USO1: variants seen among roughly 807,000 people sequenced by gnomAD.
USO1 encodes the protein USO1 vesicle transport factor.
A neutral mutation model predicts 124.5 loss-of-function variants in USO1; 57 were observed. That is an observed-to-expected ratio of 0.46 (90% CI 0.37 to 0.57). USO1 has a LOEUF of 0.57. Ranked by LOEUF, USO1 falls within the 20% of genes least tolerant of loss-of-function variation. The probability of loss-of-function intolerance (pLI) is 0.00; values close to 1 mark genes in which losing one functional copy is unlikely to be tolerated. For missense variants in USO1, 900 were observed against 1,040.6 expected, an observed-to-expected ratio of 0.86 and a Z score of 1.86; for synonymous variants, 369 against 362.8, an observed-to-expected ratio of 1.02 and a Z score of -0.19.
chr4:75,796,438 C>T (rs561459767), intron 13 of USO1, among the ~76,000 whole-genome samples: 88 of 150,916 alleles, frequency 5.8e-4, no homozygotes, highest in African/African-American at 2.0e-3. Context: ...TGGGTTCAAG[C>T]GATTCTCCTG....
intron 19 of USO1, among the ~76,000 whole-genome samples, chr4:75,805,728 ATTTTACAGGATGAGCT>A (rs1338398472): frequency 4.6e-5 from 7 of 150,768 alleles, no homozygotes; most frequent in Admixed American, 1.3e-4. Context: ...AAAAAAAAAG[ATTTTACAGGATGAGCT>A]TTAGAGTCAA....
At chr4:75,758,759 A>G (rs995935181) in intron 4 of USO1, among the ~76,000 whole-genome samples, 6 of 152,144 alleles carry the variant, frequency 3.9e-5, no homozygotes, top group Non-Finnish European at 7.3e-5. Context: ...CATGATATCT[A>G]TCCTATAGCT....
In USO1 at chr4:75,805,147, C is replaced by T. The variant is rs750514766; in HGVS notation, c.2133C>T (p.Asp711=). 3.8e-6 allele frequency: 6 copies of T among 1,577,708 alleles called. No homozygotes were observed. In the African/African-American group the frequency reaches 8.3e-5, roughly 22 times the overall value. The part of the protein sequence containing the change: ...YNLLKIQLGK[D]NQHQGSYSEG... ...GTTATGTCTGTCTAACAGGAAAAGA[C>T]AATCAGCATCAAGGTTCTTACAGTG... is the stretch of plus-strand genomic sequence containing the variant. The change falls in exon 19 of 24, where the codon GAC becomes GAT. Residue 711 remains aspartate (D), a synonymous_variant. Coordinates refer to ENST00000514213, the MANE Select transcript of USO1 (RefSeq NM_003715.4).
intron 13 of USO1, among the ~76,000 whole-genome samples, chr4:75,797,763 T>G (rs1467944500): frequency 6.6e-6 from 1 of 152,130 alleles, no homozygotes; most frequent in Admixed American, 6.6e-5. Flanking sequence ...TGCCTCAGCC[T>G]CCTGAGTAGC....
At chr4:75,800,095 G>A (rs1441197998) in intron 14 of USO1, among the ~76,000 whole-genome samples, 6 of 151,890 alleles carry the variant, frequency 4.0e-5, no homozygotes, top group Admixed American at 3.9e-4. Flanking sequence ...TTACAGGTGT[G>A]CGCAACCACA....
At chr4:75,807,271 C>G (rs1033274107) in intron 20 of USO1, among the ~76,000 whole-genome samples, 1 of 151,834 alleles carries the variant, frequency 6.6e-6, no homozygotes, top group South Asian at 2.1e-4. Context: ...GTATATTATC[C>G]CTAAACAGGT....
At chr4:75,785,517 C>G (rs573145977) in intron 9 of USO1, among the ~76,000 whole-genome samples, 1 of 151,850 alleles carries the variant, frequency 6.6e-6, no homozygotes, top group Non-Finnish European at 1.5e-5. Context: ...TTATTAGAAA[C>G]TTTATATATT....
chr4:75,795,127 A>C (rs1010669463), intron 13 of USO1, among the ~76,000 whole-genome samples: 18 of 152,312 alleles, frequency 1.2e-4, no homozygotes, highest in African/African-American at 4.3e-4. Context: ...GTGCTATAAA[A>C]TTATCCTTTA....
At chr4:75,779,420 C>T (rs1433671329) in intron 8 of USO1, among the ~76,000 whole-genome samples, 1 of 152,116 alleles carries the variant, frequency 6.6e-6, no homozygotes, top group African/African-American at 2.4e-5. Flanking sequence ...GGCCCAATAG[C>T]CAAGTTGTGA....
chr4:75,803,887 A>G (rs1455829500), intron 17 of USO1, among the ~76,000 whole-genome samples: 1 of 152,110 alleles, frequency 6.6e-6, no homozygotes, highest in Non-Finnish European at 1.5e-5. Flanking sequence ...ATTTCCCACT[A>G]TAATTGCAGG....
chr4:75,755,636 T>G (rs1413225585), intron 3 of USO1, among the ~76,000 whole-genome samples: 1 of 152,168 alleles, frequency 6.6e-6, no homozygotes, highest in African/African-American at 2.4e-5. Flanking sequence ...GACTACCTTT[T>G]CAAAGCCACT....
At position 75,785,999 on chromosome 4, in the gene USO1, T is replaced by G. The variant is rs187313613; in HGVS notation, c.856-1063T>G. 3.3e-5 allele frequency among the ~76,000 whole-genome samples: 5 copies of G among 152,266 alleles called. No individual in the cohort carries two copies. In the East Asian group the frequency reaches 9.6e-4, roughly 29 times the overall value. On this transcript the variant is annotated intron_variant, in intron 9 of 23. Coordinates refer to ENST00000514213, the MANE Select transcript of USO1 (RefSeq NM_003715.4). ...CATCAATTTATTAATGAACCCTCTT[T>G]GAGATGTCTGTTAAGCCAGACATGG... is the stretch of plus-strand genomic sequence containing the variant.
At chr4:75,743,837 C>G (rs531064688) in intron 1 of USO1, among the ~76,000 whole-genome samples, 5 of 151,990 alleles carry the variant, frequency 3.3e-5, no homozygotes, top group Admixed American at 3.3e-4. Context: ...AGTGCAGTGG[C>G]GCGATCTTGG....
intron 3 of USO1, among the ~76,000 whole-genome samples, chr4:75,755,987 G>T (rs941965678): frequency 6.6e-6 from 1 of 151,896 alleles, no homozygotes; most frequent in Non-Finnish European, 1.5e-5. Context: ...TGGCTAACAC[G>T]GTGAAACCCC....
chr4:75,747,705 G>A (rs1175469440), intron 1 of USO1, among the ~76,000 whole-genome samples: 2 of 148,008 alleles, frequency 1.4e-5, no homozygotes, highest in Non-Finnish European at 3.0e-5. Context: ...CGCCTCCTGG[G>A]TTCATGCCAT....
chr4:75,781,789 A>T (rs1722229342), intron 8 of USO1, among the ~76,000 whole-genome samples: 1 of 152,188 alleles, frequency 6.6e-6, no homozygotes. Context: ...TTTTGTCAAC[A>T]TACAGCTCAA....
At chr4:75,770,657 T>C in intron 5 of USO1, 118 bp downstream of exon 5, 1 of 1,455,026 alleles carries the variant, frequency 6.9e-7, no homozygotes, top group South Asian at 1.4e-5. Flanking sequence ...TATTGTATTA[T>C]AGCAAGAGAT....
rs757293310 is a variant in USO1, at chr4:75,757,576, A to G, written c.295+3A>G. The G allele has an allele frequency of 6.7e-7, 1 of 1,489,154 alleles. No homozygotes were observed. The highest frequency in any genetic ancestry group is 2.4e-5 in the Admixed American group (1 of 41,996). The allele number at this position is 1,489,154 out of a possible 1,614,324, so 92.2% of individuals were successfully genotyped here. ...TAATGAAGAAGAAGAAGAAGTAGGT[A>G]AGTTTCCAGTTATTTTTACTGTGTT... On this transcript the variant is annotated splice_donor_region_variant and intron_variant, in intron 4 of 23. Transcript: ENST00000514213.
rs1236361958 is a variant in USO1, at chr4:75,751,185, A to ATTATT, written c.67-1165_67-1161dup. ...TCAGTTGAAAGTTTGGTTTCTATAA[A>ATTATT]TTATTTTATTTTATTTTATTTTATT... On this transcript the variant is annotated intron_variant, in intron 1 of 23. Coordinates refer to ENST00000514213, the MANE Select transcript of USO1 (RefSeq NM_003715.4). Among the ~76,000 whole-genome samples, 104 of 150,662 alleles carry ATTATT rather than the reference A, an allele frequency of 6.9e-4. 2 individuals carry two copies. Among genetic ancestry groups the ATTATT allele is most frequent in the African/African-American group, 2.3e-3 (95 of 41,382 alleles).
Sources: gnomAD v4.1 joint callset for allele counts (sites outside exome capture counted in the v4.1 genomes callset) on GRCh38, gnomAD v4.1.1 for gene constraint, MANE v1.5 for transcripts, NCBI Gene and HGNC (gene_info 2026-07-23, HGNC 2026-07-21) for gene names.